The following CC2D2B variants were observed in gnomAD, a reference collection of about 807,000 sequenced individuals.
CC2D2B encodes the protein coiled-coil and C2 domain containing 2B.
CC2D2B carries 128 observed loss-of-function variants against 161.2 expected under a neutral mutation model. The observed-to-expected ratio is 0.79, with a 90% confidence interval of 0.69 to 0.92. The LOEUF (loss-of-function observed/expected upper bound fraction) is 0.92. CC2D2B is among the 40% of genes least tolerant of loss of function. The pLI, the probability that CC2D2B is intolerant of heterozygous loss-of-function variation, is 0.00. For synonymous variants in CC2D2B, 391 were observed against 449.8 expected (o/e 0.87, Z 1.65); for missense variants, 1,173 against 1,375.1 (o/e 0.85, Z 2.32).
Position 95,965,785 on chromosome 10 carries a change from T to TTGTGTGTG in CC2D2B, c.1251-81_1251-74dup, listed in dbSNP as rs59230785. 4.7e-3 allele frequency: 1,631 copies of TTGTGTGTG among 344,280 alleles called. 5 individuals are homozygous for TTGTGTGTG. The highest frequency in any genetic ancestry group is 0.012 in the African/African-American group (563 of 45,822). The allele number at this position is 344,280 out of a possible 1,614,324, so 21.3% of individuals were successfully genotyped here. A position where few individuals can be genotyped will look rare whatever the true frequency, so the allele number is the denominator to read the frequency against. On this transcript the variant is annotated intron_variant, in intron 12 of 34. Coordinates refer to ENST00000646931, the MANE Select transcript of CC2D2B (RefSeq NM_001349008.3). The stretch of plus-strand genomic sequence containing the variant: ...TAAAATTACTTGTAAGAGATTGGTT[T>TTGTGTGTG]TGTGTGTGTGTGTGTGTGTGTGTGT...
chr10:95,971,862 T>C (rs189483497), intron 15 of CC2D2B, among the ~76,000 whole-genome samples: 7 of 152,338 alleles, frequency 4.6e-5, no homozygotes, highest in Non-Finnish European at 4.4e-5. Context: ...ATTCAATTCA[T>C]TTTCTATGGA....
intron 2 of CC2D2B, among the ~76,000 whole-genome samples, chr10:95,915,907 T>C (rs757705873): frequency 3.3e-5 from 5 of 152,170 alleles, no homozygotes; most frequent in Non-Finnish European, 2.9e-5. Flanking sequence ...CAGGGTAATA[T>C]TGGCCTTGTA....
chr10:96,007,006 C>G (rs1252249330), intron 25 of CC2D2B, among the ~76,000 whole-genome samples: 2 of 152,084 alleles, frequency 1.3e-5, no homozygotes, highest in African/African-American at 4.8e-5. Flanking sequence ...GCATAAGGAA[C>G]TAATTTTACA....
At chr10:96,027,630 GA>G (rs1282660580) in intron 34 of CC2D2B, among the ~76,000 whole-genome samples, 1 of 151,892 alleles carries the variant, frequency 6.6e-6, no homozygotes, top group South Asian at 2.1e-4. Context: ...CACAGAAATA[GA>G]AAAAACAATC....
chr10:95,943,026 T>G (rs1480761237), intron 9 of CC2D2B, among the ~76,000 whole-genome samples: 1 of 152,162 alleles, frequency 6.6e-6, no homozygotes, highest in East Asian at 1.9e-4. Context: ...GACCTCCTTT[T>G]TCCTTAATTC....
At chr10:95,939,594 C>A (rs2075952791) in intron 9 of CC2D2B, among the ~76,000 whole-genome samples, 1 of 152,176 alleles carries the variant, frequency 6.6e-6, no homozygotes, top group African/African-American at 2.4e-5. Flanking sequence ...CCAAACTATA[C>A]ACAAACTAAG....
intron 11 of CC2D2B, among the ~76,000 whole-genome samples, chr10:95,959,212 A>G (rs2076680774): frequency 1.3e-5 from 2 of 152,230 alleles, no homozygotes; most frequent in South Asian, 2.1e-4. Context: ...AGAAAACTCC[A>G]GGCTCAGATG....
Position 95,966,001 on chromosome 10 carries a change from A to G in CC2D2B, c.1353+3A>G, listed in dbSNP as rs2076927574. 4 of 1,062,400 alleles carry G rather than the reference A, an allele frequency of 3.8e-6. No individual in the cohort carries two copies. The African/African-American group carries it at 6.6e-5, about 17-fold the overall frequency. 65.8% of individuals were successfully genotyped at this position (1,062,400 alleles called of 1,614,324 possible). A position where few individuals can be genotyped will look rare whatever the true frequency, so the allele number is the denominator to read the frequency against. ...TTAAGAATGGGAAAAAACTGGAGGT[A>G]TTTATATTGCAAAATAACATTAAAC... On this transcript the variant is annotated splice_donor_region_variant and intron_variant, in intron 13 of 34. Coordinates refer to ENST00000646931, the MANE Select transcript of CC2D2B (RefSeq NM_001349008.3).
intron 11 of CC2D2B, among the ~76,000 whole-genome samples, chr10:95,956,281 T>TCA (rs1028731204): frequency 6.6e-6 from 1 of 151,760 alleles, no homozygotes. Context: ...ACCTCTTCTA[T>TCA]CACACACACA....
rs190651019 is a variant in CC2D2B, at chr10:95,985,490, C to G, written c.2286+1681C>G. 5.7e-3 allele frequency among the ~76,000 whole-genome samples: 868 copies of G among 152,244 alleles called. 6 individuals are homozygous for G. Among genetic ancestry groups the G allele is most frequent in the African/African-American group, 0.02 (816 of 41,538 alleles). On this transcript the variant is annotated intron_variant, in intron 19 of 34. Transcript: ENST00000646931. ...GATTTCATGGACACTTATCACTTCCCCAATCAATATTCTTGTGATTTCCTA... is the reference window on the plus strand; with the variant it reads ...GATTTCATGGACACTTATCACTTCCGCAATCAATATTCTTGTGATTTCCTA...
intron 22 of CC2D2B, among the ~76,000 whole-genome samples, chr10:95,993,794 TAGAG>T (rs1231100063): frequency 4.4e-4 from 61 of 137,914 alleles, no homozygotes; most frequent in East Asian, 1.5e-3. Context: ...TATATATATA[TAGAG>T]AGAGAGAATA....
intron 3 of CC2D2B, among the ~76,000 whole-genome samples, chr10:95,922,690 T>C (rs780681229): frequency 1.3e-5 from 2 of 152,218 alleles, no homozygotes; most frequent in Non-Finnish European, 2.9e-5. Flanking sequence ...AGGTCCTCAA[T>C]TTTTTACTGT....
intron 17 of CC2D2B, among the ~76,000 whole-genome samples, chr10:95,976,705 C>T (rs1280902974): frequency 1.3e-5 from 2 of 152,174 alleles, no homozygotes; most frequent in South Asian, 4.1e-4. Flanking sequence ...ACTGACTGAA[C>T]TGTAGATAAA....
chr10:95,973,657 G>A (rs1346359148), intron 16 of CC2D2B, among the ~76,000 whole-genome samples: 1 of 151,886 alleles, frequency 6.6e-6, no homozygotes, highest in African/African-American at 2.4e-5. Flanking sequence ...TCAGGAGTTC[G>A]AGACCAGCCT....
chr10:96,005,496 A>G (rs1228713073), intron 25 of CC2D2B, among the ~76,000 whole-genome samples: 1 of 152,174 alleles, frequency 6.6e-6, no homozygotes, highest in Non-Finnish European at 1.5e-5. Flanking sequence ...CTGAGCCCCG[A>G]GATAGCCACA....
At chr10:96,004,269 T>G in intron 25 of CC2D2B, 21 bp downstream of exon 25, 1 of 1,198,850 alleles carries the variant, frequency 8.3e-7, no homozygotes, top group Non-Finnish European at 1.2e-6. Context: ...ATAATTACAA[T>G]AGCCAATGCT....
chr10:96,004,172 G>T lies in CC2D2B; in HGVS notation c.2870G>T (p.Ser957Ile). ...VDFVSPGHDY[S>I]FSSLSKIKDN... is the part of the protein sequence containing the mutation. Reference sequence around the variant, plus strand: ...TGCAGCTCACCAGGACATGATTATAGCTTCTCAAGCTTATCTAAAATAAAA... The same window carrying T: ...TGCAGCTCACCAGGACATGATTATATCTTCTCAAGCTTATCTAAAATAAAA... Residue 957 changes from serine to isoleucine, a missense_variant, in exon 25 of 35, where the codon AGC (serine) becomes ATC (isoleucine). By Grantham distance (142) the Ser-to-Ile change is moderately radical (BLOSUM62 -2). Transcript: ENST00000646931. 1 of 1,545,170 alleles carries T rather than the reference G, an allele frequency of 6.5e-7. No individual in the cohort carries two copies. Among genetic ancestry groups the T allele is most frequent in the Non-Finnish European group, 8.7e-7 (1 of 1,148,942 alleles).
chr10:96,026,095 G>A (rs2079760686), intron 33 of CC2D2B, among the ~76,000 whole-genome samples: 1 of 152,154 alleles, frequency 6.6e-6, no homozygotes, highest in African/African-American at 2.4e-5. Flanking sequence ...CGCTACAGGT[G>A]ATTCTGATGC....
chr10:96,003,895 T>C (rs917930064), intron 24 of CC2D2B, among the ~76,000 whole-genome samples: 8 of 152,370 alleles, frequency 5.3e-5, no homozygotes, highest in Admixed American at 3.9e-4. Context: ...TTGCAATTGA[T>C]AGCTGTAGTG....
Sources: gnomAD v4.1 joint callset for allele counts (sites outside exome capture counted in the v4.1 genomes callset) on GRCh38, gnomAD v4.1.1 for gene constraint, MANE v1.5 for transcripts, NCBI Gene and HGNC (gene_info 2026-07-23, HGNC 2026-07-21) for gene names.